DNAJC3: variants seen among roughly 807,000 people sequenced by gnomAD.
DNAJC3 encodes dnaJ homolog subfamily C member 3.
DNAJC3 carries 38 observed loss-of-function variants against 68.6 expected under a neutral mutation model. The ratio of observed to expected loss-of-function variants is 0.55; its 90% CI spans 0.43 to 0.73. DNAJC3 has a LOEUF of 0.73. Among genes scored for constraint, DNAJC3 ranks in the 30% least tolerant of loss-of-function variants. DNAJC3 has a pLI of 0.00. For synonymous variants in DNAJC3, 203 were observed against 204.0 expected (o/e 1.00, Z 0.04); for missense variants, 526 against 591.9 (o/e 0.89, Z 1.16).
At chr13:95,716,169 C>T (rs549979599) in intron 2 of DNAJC3, among the ~76,000 whole-genome samples, 4 of 152,134 alleles carry the variant, frequency 2.6e-5, no homozygotes, top group South Asian at 2.1e-4. Flanking sequence ...AAAACAAAAA[C>T]AAAAAATCCC....
intron 4 of DNAJC3, chr13:95,745,040 A>G (rs1318362964): frequency 6.6e-6 from 1 of 152,164 alleles, no homozygotes; most frequent in African/African-American, 2.4e-5. Context: ...TTGCCCAGAG[A>G]CACTTACTGG....
chr13:95,726,577 T>C (rs1228580377), intron 4 of DNAJC3, among the ~76,000 whole-genome samples: 1 of 152,228 alleles, frequency 6.6e-6, no homozygotes, highest in Admixed American at 6.5e-5. Context: ...ATGGCTGCTT[T>C]ACAAAGTGTA....
chr13:95,755,562 C>T (rs935999601), intron 4 of DNAJC3, among the ~76,000 whole-genome samples: 3 of 151,302 alleles, frequency 2.0e-5, no homozygotes, highest in Admixed American at 2.0e-4. Context: ...TTCGAGACCA[C>T]CCTGGCCAAT....
At chr13:95,680,502 G>A (rs1879884355) in intron 1 of DNAJC3, among the ~76,000 whole-genome samples, 1 of 152,138 alleles carries the variant, frequency 6.6e-6, no homozygotes, top group South Asian at 2.1e-4. Flanking sequence ...GCAAAAATGA[G>A]TGACTTTAAG....
intron 9 of DNAJC3, among the ~76,000 whole-genome samples, chr13:95,773,776 C>T (rs1406289703): frequency 2.6e-5 from 3 of 116,942 alleles, no homozygotes. Flanking sequence ...CTTGCTCTGT[C>T]GCCAGGCTGG....
rs1275688202 is a variant in DNAJC3 at position 95,690,921 on chromosome 13, AC to A, written c.82+13592del. 3.3e-3 allele frequency among the ~76,000 whole-genome samples: 266 copies of A among 80,974 alleles called. 3 individuals are homozygous for A. The highest frequency in any genetic ancestry group is 8.9e-3 in the African/African-American group (183 of 20,650). 53.1% of individuals were successfully genotyped at this position (80,974 alleles called of 152,430 possible). On this transcript the variant is annotated intron_variant, in intron 1 of 11. Transcript: ENST00000602402. ...GGGCGGCTGGCCGGGCGGGGGGCTG[AC>A]CCCCCCCACCTCCCTCCCGGACGGG...
At chr13:95,748,766 A>G (rs1882386480) in intron 4 of DNAJC3, among the ~76,000 whole-genome samples, 1 of 152,192 alleles carries the variant, frequency 6.6e-6, no homozygotes, top group Admixed American at 6.5e-5. Context: ...CAGTGAGCTG[A>G]GATTGCACCA....
intron 4 of DNAJC3, among the ~76,000 whole-genome samples, chr13:95,731,695 AG>A (rs950687825): frequency 1.1e-4 from 16 of 151,956 alleles, no homozygotes; most frequent in Admixed American, 1.0e-3. Context: ...TGTTTGAGAT[AG>A]GGTCTTCCTG....
chr13:95,764,994 A>G (rs1004565675), intron 9 of DNAJC3, among the ~76,000 whole-genome samples: 2 of 152,018 alleles, frequency 1.3e-5, no homozygotes, highest in African/African-American at 4.8e-5. Context: ...AAACTGGTCA[A>G]TCTCTTTTTC....
chr13:95,743,355 A>C (rs1882206884), intron 4 of DNAJC3, among the ~76,000 whole-genome samples: 1 of 152,184 alleles, frequency 6.6e-6, no homozygotes, highest in Non-Finnish European at 1.5e-5. Context: ...AAATCGTTTG[A>C]CTGGTTACAG....
intron 9 of DNAJC3, among the ~76,000 whole-genome samples, chr13:95,779,857 C>G (rs907007617): frequency 1.3e-5 from 2 of 152,148 alleles, no homozygotes; most frequent in African/African-American, 4.8e-5. Context: ...GATGAACATT[C>G]ATTAGATAAG....
intron 1 of DNAJC3, among the ~76,000 whole-genome samples, chr13:95,702,620 A>G (rs935165829): frequency 5.3e-5 from 8 of 152,168 alleles, no homozygotes; most frequent in Non-Finnish European, 1.2e-4. Flanking sequence ...CCACATAGGG[A>G]CTCAACAAGA....
intron 9 of DNAJC3, among the ~76,000 whole-genome samples, chr13:95,768,332 C>A (rs1883065078): frequency 6.6e-6 from 1 of 152,172 alleles, no homozygotes; most frequent in South Asian, 2.1e-4. Flanking sequence ...CCACTGTACT[C>A]ATTTTCAGGT....
In DNAJC3 at chr13:95,793,627, C is replaced by CTAAT. The variant is rs1292197167; in HGVS notation, c.*2599_*2602dup. 6.6e-6 allele frequency: 1 copy of CTAAT among 152,034 alleles called. No homozygotes were observed. The highest frequency in any genetic ancestry group is 1.5e-5 in the Non-Finnish European group (1 of 68,242). The allele number at this position is 152,034 out of a possible 1,614,324, so 9.4% of individuals were successfully genotyped here. On this transcript the variant is annotated 3_prime_UTR_variant, in exon 12 of 12. Transcript: ENST00000602402. ...TATAGGCACGCACCACCATGCCTGG[C>CTAAT]TAATTTTTGTATTTTTAGTAGAAAT...
chr13:95,691,134 G>A (rs779708513), intron 1 of DNAJC3, among the ~76,000 whole-genome samples: 225 of 148,460 alleles, frequency 1.5e-3, no homozygotes, highest in Non-Finnish European at 1.9e-3. Context: ...GCGGCTGGCC[G>A]GGCAGGGGGC....
intron 11 of DNAJC3, among the ~76,000 whole-genome samples, chr13:95,790,662 G>A (rs1042789385): frequency 2.0e-5 from 3 of 151,688 alleles, no homozygotes; most frequent in African/African-American, 4.9e-5. Context: ...TATCAACCCT[G>A]AACCTCACCC....
At position 95,787,142 on chromosome 13, in the gene DNAJC3, C is replaced by T. The variant is rs760150982; in HGVS notation, c.1344C>T (p.Val448=). Residue 448 remains valine, a synonymous_variant, in exon 11 of 12, where the codon GTC becomes GTT. Transcript: ENST00000602402. ...TTGATATAGCAGCTGCTAAAGAAGT[C>T]CTCTCTGATCCAGGTATTATTAGCT... ...KFIDIAAAKE[V]LSDPEMRKKF... is the part of the protein sequence containing the mutation. 5 of 1,610,410 alleles carry T rather than the reference C, an allele frequency of 3.1e-6. No individual in the cohort carries two copies. The highest frequency in any genetic ancestry group is 4.2e-6 in the Non-Finnish European group (5 of 1,179,172).
At chr13:95,761,799 A>T (rs553118183) in intron 7 of DNAJC3, among the ~76,000 whole-genome samples, 1 of 150,814 alleles carries the variant, frequency 6.6e-6, no homozygotes. Flanking sequence ...CAATCTCACT[A>T]TGTTGCCCAC....
Position 95,792,862 on chromosome 13 carries a change from CT to C in DNAJC3, c.*1835del, listed in dbSNP as rs1441697914. The C allele has an allele frequency of 6.6e-6, 1 of 152,126 alleles. No homozygotes were observed. Among genetic ancestry groups the C allele is most frequent in the Non-Finnish European group, 1.5e-5 (1 of 68,020 alleles). The allele number at this position is 152,126 out of a possible 1,614,324, so 9.4% of individuals were successfully genotyped here. A position where few individuals can be genotyped will look rare whatever the true frequency, so the allele number is the denominator to read the frequency against. ...TTTGTATATGATGTCACTGTGACCTCTTTGAAATATAGTGATGGCTTTTACC... is the reference window on the plus strand; with the variant it reads ...TTTGTATATGATGTCACTGTGACCTCTTGAAATATAGTGATGGCTTTTACC... On this transcript the variant is annotated 3_prime_UTR_variant, in exon 12 of 12. Transcript: ENST00000602402.
Sources: allele counts gnomAD v4.1 joint callset (sites outside exome capture counted in the v4.1 genomes callset), GRCh38; gene constraint gnomAD v4.1.1; transcripts MANE v1.5; gene names NCBI Gene and HGNC (gene_info 2026-07-23, HGNC 2026-07-21).